The following OR51B5 variants were observed in gnomAD, a reference collection of about 807,000 sequenced individuals.
OR51B5 encodes olfactory receptor family 51 subfamily B member 5.
For synonymous variants in OR51B5, 186 were observed against 144.8 expected (o/e 1.28, Z -2.04); for missense variants, 456 against 374.6 (o/e 1.22, Z -1.79).
intron 1 of OR51B5, among the ~76,000 whole-genome samples, chr11:5,373,901 G>A (rs1201415677): frequency 6.6e-6 from 1 of 152,156 alleles, no homozygotes; most frequent in Admixed American, 6.5e-5. Context: ...TTTGGGGGCA[G>A]GGCACAGACA....
chr11:5,439,099 C>CCTCT (rs35645484), intron 1 of OR51B5, among the ~76,000 whole-genome samples: 12 of 149,970 alleles, frequency 8.0e-5, no homozygotes, highest in African/African-American at 2.2e-4. Flanking sequence ...TCTCTCTCGT[C>CCTCT]CTCTCTCTCT....
chr11:5,487,892 G>A (rs974619529), intron 1 of OR51B5, among the ~76,000 whole-genome samples: 3 of 152,044 alleles, frequency 2.0e-5, no homozygotes, highest in African/African-American at 7.2e-5. Flanking sequence ...TGCTCAAATT[G>A]CTGTATATAT....
At chr11:5,409,955 A>G (rs1850119361) in intron 1 of OR51B5, among the ~76,000 whole-genome samples, 1 of 152,182 alleles carries the variant, frequency 6.6e-6, no homozygotes, top group African/African-American at 2.4e-5. Flanking sequence ...CTGGCTTCTC[A>G]GTAGAAATGT....
At chr11:5,372,656 G>T (rs1196593527) in intron 1 of OR51B5, among the ~76,000 whole-genome samples, 2 of 152,020 alleles carry the variant, frequency 1.3e-5, no homozygotes, top group African/African-American at 4.8e-5. Flanking sequence ...TATATTTTGG[G>T]TATTAGACTT....
chr11:5,367,790 TG>T (rs1351565438), intron 1 of OR51B5, among the ~76,000 whole-genome samples: 1 of 152,210 alleles, frequency 6.6e-6, no homozygotes, highest in African/African-American at 2.4e-5. Context: ...ACAAAAATGT[TG>T]TTTCTGGTAT....
chr11:5,364,130 TAAAGAA>T (rs1021605072), intron 1 of OR51B5, among the ~76,000 whole-genome samples: 3 of 152,122 alleles, frequency 2.0e-5, no homozygotes, highest in African/African-American at 7.2e-5. Context: ...ATCTCAACAC[TAAAGAA>T]AGAGTAAAAT....
chr11:5,493,087 CT>C (rs1475526370), intron 1 of OR51B5, among the ~76,000 whole-genome samples: 1 of 152,198 alleles, frequency 6.6e-6, no homozygotes, highest in African/African-American at 2.4e-5. Flanking sequence ...GACATTGATC[CT>C]AAGAGCTAGC....
At position 5,382,109 on chromosome 11, in the gene OR51B5, C is replaced by T. The variant is rs7106965; in HGVS notation, n.85-35199G>A. Among the ~76,000 whole-genome samples, 443 of 152,290 alleles carry T rather than the reference C, an allele frequency of 2.9e-3. 1 individual carries two copies. Among genetic ancestry groups the T allele is most frequent in the African/African-American group, 0.01 (419 of 41,560 alleles). ...TAAACCCAACCATCAAAATGTGTAC[C>T]ATGTTTGACATGTCATATAAACTCA... On this transcript the variant is annotated intron_variant and non_coding_transcript_variant, in intron 1 of 4. Coordinates refer to the OR51B5 transcript ENST00000415970.
chr11:5,447,502 T>C (rs1850783817), intron 1 of OR51B5, among the ~76,000 whole-genome samples: 1 of 152,216 alleles, frequency 6.6e-6, no homozygotes, highest in African/African-American at 2.4e-5. Context: ...CAGTTCCTCA[T>C]TTCTTTTGAA....
intron 1 of OR51B5, among the ~76,000 whole-genome samples, chr11:5,416,660 G>C (rs1564806474): frequency 6.9e-6 from 1 of 145,866 alleles, no homozygotes; most frequent in Non-Finnish European, 1.5e-5. Context: ...CAAATCATGA[G>C]TGAACTCCCA....
chr11:5,407,179 A>G (rs1049246668), intron 1 of OR51B5, among the ~76,000 whole-genome samples: 2 of 152,114 alleles, frequency 1.3e-5, no homozygotes, highest in South Asian at 4.1e-4. Context: ...GGTACAGGAT[A>G]TATTCATTTT....
At chr11:5,438,596 T>C (rs895188339) in intron 1 of OR51B5, among the ~76,000 whole-genome samples, 1 of 152,230 alleles carries the variant, frequency 6.6e-6, no homozygotes, top group African/African-American at 2.4e-5. Context: ...CTTTTTTAGA[T>C]ATTTAAAATG....
At chr11:5,357,380 G>A (rs1252899835) in intron 1 of OR51B5, among the ~76,000 whole-genome samples, 1 of 150,658 alleles carries the variant, frequency 6.6e-6, no homozygotes, top group Admixed American at 6.6e-5. Flanking sequence ...AGACAAAGAA[G>A]GCCATTACAT....
At chr11:5,487,248 T>C (rs777037366) in intron 1 of OR51B5, among the ~76,000 whole-genome samples, 11 of 152,170 alleles carry the variant, frequency 7.2e-5, no homozygotes, top group Admixed American at 6.5e-5. Context: ...CGAGAGTATA[T>C]GTTGTTAAAA....
At chr11:5,483,692 CAATT>C (rs1307711049) in intron 1 of OR51B5, among the ~76,000 whole-genome samples, 1 of 151,588 alleles carries the variant, frequency 6.6e-6, no homozygotes, top group African/African-American at 2.4e-5. Context: ...ATTTTTTTCT[CAATT>C]ATCAACTGCT....
intron 1 of OR51B5, among the ~76,000 whole-genome samples, chr11:5,396,902 T>A (rs1399252883): frequency 6.6e-6 from 1 of 152,168 alleles, no homozygotes; most frequent in Non-Finnish European, 1.5e-5. Flanking sequence ...TAATGCTGTC[T>A]ATCTACAACT....
intron 1 of OR51B5, among the ~76,000 whole-genome samples, chr11:5,350,853 C>T (rs1849070480): frequency 6.6e-6 from 1 of 152,188 alleles, no homozygotes; most frequent in African/African-American, 2.4e-5. Context: ...GTAAGTCACT[C>T]TTACGTCATT....
intron 1 of OR51B5, among the ~76,000 whole-genome samples, chr11:5,491,803 G>A (rs379616): frequency 0.96 from 146,465 of 152,294 alleles, 70,451 homozygotes; most frequent in South Asian, 0.99. Context: ...AAAAAGGCAT[G>A]AAATATGGTT....
chr11:5,366,063 G>GTAA (rs139665539), intron 1 of OR51B5, among the ~76,000 whole-genome samples: 1 of 151,844 alleles, frequency 6.6e-6, no homozygotes, highest in Non-Finnish European at 1.5e-5. Flanking sequence ...ATGTTTGGGG[G>GTAA]CTGTTAATGG....
Sources: allele counts gnomAD v4.1 joint callset (sites outside exome capture counted in the v4.1 genomes callset), GRCh38; gene constraint gnomAD v4.1.1; transcripts MANE v1.5; gene names NCBI Gene and HGNC (gene_info 2026-07-23, HGNC 2026-07-21).